The following ARNT variants were observed in gnomAD, a reference collection of about 807,000 sequenced individuals.
The protein encoded by ARNT is aryl hydrocarbon receptor nuclear translocator.
ARNT carries 30 observed loss-of-function variants against 105.0 expected under a neutral mutation model. The observed-to-expected ratio is 0.29, with a 90% confidence interval of 0.21 to 0.39. The LOEUF is 0.39. ARNT is among the 10% of genes least tolerant of loss of function. The pLI is 1.00. For missense variants in ARNT, 748 were observed against 978.7 expected, an observed-to-expected ratio of 0.76 and a Z score of 3.15; for synonymous variants, 304 against 344.0, an observed-to-expected ratio of 0.88 and a Z score of 1.29.
At chr1:150,831,423 T>A (rs1233505717) in intron 10 of ARNT, 1 of 166,854 alleles carries the variant, frequency 6.0e-6, no homozygotes, top group Non-Finnish European at 1.3e-5. Flanking sequence ...AATATCCTCT[T>A]GATAAGTTAT....
intron 3 of ARNT, among the ~76,000 whole-genome samples, chr1:150,848,388 G>A (rs892421348): frequency 2.0e-5 from 3 of 151,976 alleles, no homozygotes; most frequent in African/African-American, 2.4e-5. Flanking sequence ...CTCAGGAGGC[G>A]GAGGACGCAA....
chr1:150,813,059 A>C, intron 21 of ARNT, 113 bp downstream of exon 21: 3 of 1,223,380 alleles, frequency 2.5e-6, no homozygotes, highest in Non-Finnish European at 3.4e-6. Flanking sequence ...GTCTTCTCAC[A>C]TATACCCCCA....
intron 1 of ARNT, among the ~76,000 whole-genome samples, chr1:150,864,094 C>T (rs1666128207): frequency 6.6e-6 from 1 of 152,096 alleles, no homozygotes; most frequent in Admixed American, 6.6e-5. Context: ...TTACTCCCAA[C>T]CTGTACAACA....
At chr1:150,816,476 A>T in intron 18 of ARNT, 70 bp from the exon 19 acceptor site, 1 of 1,522,808 alleles carries the variant, frequency 6.6e-7, no homozygotes, top group South Asian at 1.3e-5. Context: ...ATCAAAGGAC[A>T]ATCTAGTGCT....
At chr1:150,871,365 A>G (rs1291410031) in intron 1 of ARNT, among the ~76,000 whole-genome samples, 1 of 136,862 alleles carries the variant, frequency 7.3e-6, no homozygotes, top group Non-Finnish European at 1.5e-5. Flanking sequence ...CAGTGGTACG[A>G]TCTCAGCTCA....
intron 1 of ARNT, among the ~76,000 whole-genome samples, chr1:150,868,089 G>C (rs910835404): frequency 6.6e-6 from 1 of 152,022 alleles, no homozygotes; most frequent in Non-Finnish European, 1.5e-5. Flanking sequence ...GAAGTAGGAA[G>C]GCAAGCAGCT....
At chr1:150,817,855 A>C (rs1656241737) in intron 15 of ARNT, 65 bp downstream of exon 15, 2 of 1,265,464 alleles carry the variant, frequency 1.6e-6, no homozygotes, top group Middle Eastern at 1.9e-4. Flanking sequence ...CAAAAAATAT[A>C]TGGGATTGCA....
At chr1:150,828,128 G>A (rs995701502) in intron 12 of ARNT, among the ~76,000 whole-genome samples, 15 of 151,898 alleles carry the variant, frequency 9.9e-5, no homozygotes, top group African/African-American at 3.6e-4. Flanking sequence ...TTTAAAGAGG[G>A]CAAATTTTAA....
intron 1 of ARNT, among the ~76,000 whole-genome samples, chr1:150,867,301 G>C (rs888000542): frequency 6.6e-5 from 10 of 151,816 alleles, no homozygotes; most frequent in African/African-American, 2.4e-4. Context: ...AGACCAAGAT[G>C]GGGGGACTAC....
intron 2 of ARNT, among the ~76,000 whole-genome samples, chr1:150,856,294 G>C (rs1039131658): frequency 6.6e-6 from 1 of 152,044 alleles, no homozygotes; most frequent in South Asian, 2.1e-4. Context: ...AAAAAAATTA[G>C]TCGGGCATCA....
At chr1:150,836,581 C>A in intron 6 of ARNT, 88 bp from the exon 7 acceptor site, 1 of 1,313,586 alleles carries the variant, frequency 7.6e-7, no homozygotes, top group Non-Finnish European at 1.0e-6. Context: ...CACTTCAGGC[C>A]ACATGCATCT....
chr1:150,819,202 T>C (rs1656566411), intron 14 of ARNT, among the ~76,000 whole-genome samples: 1 of 149,662 alleles, frequency 6.7e-6, no homozygotes, highest in Non-Finnish European at 1.5e-5. Flanking sequence ...AACCTGACAA[T>C]TGATACCTAC....
rs1659964865 is a variant in ARNT at position 150,834,658 on chromosome 1, G to T, written c.701-18C>A. On this transcript the variant is annotated intron_variant, in intron 7 of 21. Coordinates refer to ENST00000358595, the MANE Select transcript of ARNT (RefSeq NM_001668.4). ...GATACGCCCTGAAGGAAGATGTGAA[G>T]AGCAGTCTGGAGTGCATTTTTGTGT... The T allele has an allele frequency of 2.5e-6, 4 of 1,608,202 alleles. No homozygotes were observed. The highest frequency in any genetic ancestry group is 3.4e-6 in the Non-Finnish European group (4 of 1,174,994).
intron 14 of ARNT, among the ~76,000 whole-genome samples, chr1:150,818,611 C>G (rs587753023): frequency 6.6e-6 from 1 of 151,906 alleles, no homozygotes; most frequent in African/African-American, 2.4e-5. Context: ...AATTAGCAGG[C>G]GTGGTGGCGG....
intron 10 of ARNT, 24 bp downstream of exon 10, chr1:150,831,794 A>G: frequency 3.2e-6 from 5 of 1,558,746 alleles, no homozygotes; most frequent in Non-Finnish European, 2.6e-6. Flanking sequence ...CCAAGGGGAA[A>G]TATTTACTAT....
At chr1:150,816,938 ATAT>A (rs1328050559) in intron 17 of ARNT, 48 bp from the exon 18 acceptor site, 1 of 1,602,664 alleles carries the variant, frequency 6.2e-7, no homozygotes, top group Non-Finnish European at 8.5e-7. Flanking sequence ...GGGCTGTAGT[ATAT>A]TAGTTCAGCA....
intron 5 of ARNT, among the ~76,000 whole-genome samples, chr1:150,840,798 A>C (rs918505705): frequency 1.3e-5 from 2 of 152,212 alleles, no homozygotes; most frequent in Non-Finnish European, 2.9e-5. Context: ...ATCACTGTTA[A>C]CAGGAATAAT....
At chr1:150,828,359 T>G (rs1658696725) in intron 12 of ARNT, among the ~76,000 whole-genome samples, 1 of 150,602 alleles carries the variant, frequency 6.6e-6, no homozygotes, top group Admixed American at 6.6e-5. Context: ...TGTTTTTTTT[T>G]TTTTTTGCAT....
intron 14 of ARNT, among the ~76,000 whole-genome samples, chr1:150,822,555 C>T (rs1310981145): frequency 6.6e-6 from 1 of 152,196 alleles, no homozygotes; most frequent in African/African-American, 2.4e-5. Context: ...GGGTAGCCCA[C>T]CCAGAAAGGG....
Sources: gnomAD v4.1 joint callset for allele counts (sites outside exome capture counted in the v4.1 genomes callset) on GRCh38, gnomAD v4.1.1 for gene constraint, MANE v1.5 for transcripts, NCBI Gene and HGNC (gene_info 2026-07-23, HGNC 2026-07-21) for gene names.